The following THOC2 variants were observed in gnomAD, a reference collection of about 807,000 sequenced individuals.
THOC2 encodes the protein THO complex 2.
Under a neutral mutation model 128.4 loss-of-function variants are expected in THOC2, and 10 were observed. The observed-to-expected ratio is 0.08, with a 90% confidence interval of 0.05 to 0.13. The LOEUF is 0.13. Among genes scored for constraint, THOC2 ranks in the 10% least tolerant of loss-of-function variants. The pLI, the probability that THOC2 is intolerant of heterozygous loss-of-function variation, is 1.00. For synonymous variants in THOC2, 393 were observed against 396.9 expected (o/e 0.99, Z 0.12); for missense variants, 535 against 1,155.7 (o/e 0.46, Z 7.79).
chrX:123,698,301 T>C (rs1211433622), intron 4 of THOC2, among the ~76,000 whole-genome samples: 1 of 109,272 alleles, frequency 9.2e-6, no homozygotes, highest in Non-Finnish European at 1.9e-5. Flanking sequence ...CTACTAAAAA[T>C]GCAAAAATTA....
chrX:123,632,727 C>A, intron 21 of THOC2, 134 bp downstream of exon 21: 1 of 485,716 alleles, frequency 2.1e-6, no homozygotes, highest in Non-Finnish European at 3.4e-6. Context: ...GCCCTATTTC[C>A]AGAATGTCTT....
In THOC2 at chrX:123,671,751, C is replaced by T. The variant is rs1256537653; in HGVS notation, c.779G>A (p.Gly260Asp). 1 of 1,159,956 alleles carries T rather than the reference C, an allele frequency of 8.6e-7. No individual in the cohort carries two copies. The highest frequency in any genetic ancestry group is 1.2e-6 in the Non-Finnish European group (1 of 864,177). ...TCTGTATAAAGATGATGGTGTCTCG[C>T]CATTTGGTTCCTAGAAATATAAAAA... ...FKFKFYQEPN[G>D]ETPSSLYRVA... The change falls in exon 9 of 39, where the codon GGC becomes GAC. Residue 260 changes from glycine to aspartate, a missense_variant. Gly to Asp is a moderately conservative substitution (Grantham distance 94). Transcript: ENST00000245838.
At chrX:123,625,520 C>CTT (rs754470330) in intron 25 of THOC2, among the ~76,000 whole-genome samples, 3 of 96,852 alleles carry the variant, frequency 3.1e-5, no homozygotes, top group Non-Finnish European at 4.2e-5. Context: ...ACTTTTTTGT[C>CTT]TTTTTTTTTT....
chrX:123,714,250 T>A (rs1220597262), intron 1 of THOC2, among the ~76,000 whole-genome samples: 1 of 112,200 alleles, frequency 8.9e-6, no homozygotes, highest in African/African-American at 3.2e-5. Context: ...TCTAAATTGA[T>A]CTTTTTTAAG....
At chrX:123,723,572 G>A (rs1249352928) in intron 1 of THOC2, among the ~76,000 whole-genome samples, 5 of 110,972 alleles carry the variant, frequency 4.5e-5, no homozygotes, top group Admixed American at 1.9e-4. Context: ...ACTGGTATAC[G>A]ATGGAGTATC....
intron 36 of THOC2, among the ~76,000 whole-genome samples, chrX:123,613,084 A>G (rs992489816): frequency 9.0e-6 from 1 of 111,692 alleles, no homozygotes; most frequent in African/African-American, 3.2e-5. Flanking sequence ...AATAAAGAGA[A>G]ACTAAAAGCA....
Position 123,644,912 on chromosome X carries a change from AAAAG to A in THOC2, c.1429-7_1429-4del. ...AGCAAACAGCTAAGGATAACTTCCT[AAAAG>A]AAAGAAGGAAAAGTTATTTCAGTAA... On this transcript the variant is annotated splice_region_variant and splice_polypyrimidine_tract_variant and intron_variant, in intron 13 of 38. Transcript: ENST00000245838. 1 of 1,187,322 alleles carries A rather than the reference AAAAG, an allele frequency of 8.4e-7. No homozygotes were observed. The highest frequency in any genetic ancestry group is 1.9e-5 in the South Asian group (1 of 53,277).
chrX:123,668,348 C>T, intron 9 of THOC2, 34 bp from the exon 10 acceptor site: 1 of 953,391 alleles, frequency 1.0e-6, no homozygotes, highest in Non-Finnish European at 1.4e-6. Flanking sequence ...CATAAAATAG[C>T]TAATACCAAC....
intron 16 of THOC2, among the ~76,000 whole-genome samples, chrX:123,639,732 A>G (rs1400123425): frequency 9.0e-6 from 1 of 111,687 alleles, no homozygotes; most frequent in East Asian, 2.8e-4. Context: ...GAGGAGTTCA[A>G]TAGAAACCCA....
At chrX:123,656,352 A>AAAAAGAG (rs2048579799) in intron 12 of THOC2, among the ~76,000 whole-genome samples, 1 of 100,142 alleles carries the variant, frequency 1.0e-5, no homozygotes, top group African/African-American at 3.7e-5. Flanking sequence ...AAAAAAAAAA[A>AAAAAGAG]AGAGAGAGAG....
At position 123,716,905 on chromosome X, in the gene THOC2, C is replaced by CA. The variant is rs1348930216; in HGVS notation, c.72-3998dup. ...TGGGCGACAGAGCAAGACTCCATAT[C>CA]AAAAAAAAAATACATACTAACTATA... On this transcript the variant is annotated intron_variant, in intron 1 of 38. Transcript: ENST00000245838. Among the ~76,000 whole-genome samples, 591 of 101,794 alleles carry CA rather than the reference C, an allele frequency of 5.8e-3. 4 individuals carry two copies. The highest frequency in any genetic ancestry group is 0.015 in the African/African-American group (421 of 27,857). The allele number at this position is 101,794 out of a possible 115,157, so 88.4% of individuals were successfully genotyped here.
intron 1 of THOC2, among the ~76,000 whole-genome samples, chrX:123,715,520 G>C (rs1208147151): frequency 9.1e-6 from 1 of 109,996 alleles, no homozygotes; most frequent in African/African-American, 3.3e-5. Flanking sequence ...GGTGGCTCAC[G>C]CTTGTAATCC....
At chrX:123,657,633 A>C (rs1166997132) in intron 12 of THOC2, among the ~76,000 whole-genome samples, 1 of 92,732 alleles carries the variant, frequency 1.1e-5, no homozygotes, top group Non-Finnish European at 2.2e-5. Context: ...GAAAGATTTA[A>C]AGTGTTAAGA....
At chrX:123,727,091 C>A (rs886225844) in intron 1 of THOC2, among the ~76,000 whole-genome samples, 1 of 110,287 alleles carries the variant, frequency 9.1e-6, no homozygotes, top group Non-Finnish European at 1.9e-5. Context: ...TGGCATGCAC[C>A]TGTAGCCCTA....
intron 1 of THOC2, among the ~76,000 whole-genome samples, chrX:123,717,668 A>G (rs979499209): frequency 2.1e-5 from 2 of 95,067 alleles, no homozygotes; most frequent in Non-Finnish European, 4.2e-5. Context: ...ACAGAAACAG[A>G]AAAATCCTAA....
chrX:123,722,731 TA>T (rs1247909547), intron 1 of THOC2, among the ~76,000 whole-genome samples: 2 of 108,551 alleles, frequency 1.8e-5, no homozygotes, highest in African/African-American at 3.3e-5. Context: ...AACTTAAAAT[TA>T]AAAAAAAATG....
Position 123,646,427 on chromosome X carries a change from G to A in THOC2, c.1387-1052C>T, listed in dbSNP as rs184140420. 3.7e-3 allele frequency among the ~76,000 whole-genome samples: 412 copies of A among 112,271 alleles called. 1 individual carries two copies. The highest frequency in any genetic ancestry group is 5.5e-3 in the Non-Finnish European group (293 of 53,257). Reference sequence around the variant, plus strand: ...CAACCAGTGACAATCTAGATTTCTGGCAAGGATTTAGCTCAATATCAAGTG... The same window carrying A: ...CAACCAGTGACAATCTAGATTTCTGACAAGGATTTAGCTCAATATCAAGTG... On this transcript the variant is annotated intron_variant, in intron 12 of 38. Coordinates refer to ENST00000245838, the MANE Select transcript of THOC2 (RefSeq NM_001081550.2).
At chrX:123,652,912 GA>G (rs759536793) in intron 12 of THOC2, among the ~76,000 whole-genome samples, 4 of 111,489 alleles carry the variant, frequency 3.6e-5, no homozygotes, top group African/African-American at 9.8e-5. Flanking sequence ...TTCAGAGTTA[GA>G]AAAAACTACT....
intron 1 of THOC2, among the ~76,000 whole-genome samples, chrX:123,724,520 A>C (rs2147992054): frequency 9.1e-6 from 1 of 109,309 alleles, no homozygotes; most frequent in South Asian, 4.0e-4. Flanking sequence ...CCTCGTCTCC[A>C]CTAAAAATAC....
Sources: gnomAD v4.1 joint callset for allele counts (sites outside exome capture counted in the v4.1 genomes callset) on GRCh38, gnomAD v4.1.1 for gene constraint, MANE v1.5 for transcripts, NCBI Gene and HGNC (gene_info 2026-07-23, HGNC 2026-07-21) for gene names.